Variants in FAM117B observed in about 807,000 individuals in gnomAD.
The protein encoded by FAM117B is family with sequence similarity 117 member B.
A neutral mutation model predicts 52.8 loss-of-function variants in FAM117B; 22 were observed. The ratio of observed to expected loss-of-function variants is 0.42; its 90% CI spans 0.30 to 0.59. The LOEUF is 0.59. Ranked by LOEUF, FAM117B falls within the 20% of genes least tolerant of loss-of-function variation. The pLI is 0.22. For missense variants in FAM117B, 678 were observed against 802.6 expected, an observed-to-expected ratio of 0.84 and a Z score of 1.88; for synonymous variants, 309 against 324.1, an observed-to-expected ratio of 0.95 and a Z score of 0.50.
At chr2:202,764,351 A>G (rs2105802359) in intron 7 of FAM117B, among the ~76,000 whole-genome samples, 1 of 151,216 alleles carries the variant, frequency 6.6e-6, no homozygotes, top group African/African-American at 2.4e-5. Context: ...TACAACCTCC[A>G]CCTCCCAGGG....
At chr2:202,742,135 C>G (rs902341899) in intron 4 of FAM117B, among the ~76,000 whole-genome samples, 3 of 151,902 alleles carry the variant, frequency 2.0e-5, no homozygotes. Flanking sequence ...TAACACAATC[C>G]CAATAAAAAT....
intron 1 of FAM117B, among the ~76,000 whole-genome samples, chr2:202,692,102 A>G (rs1290682477): frequency 6.6e-6 from 1 of 152,168 alleles, no homozygotes; most frequent in Non-Finnish European, 1.5e-5. Context: ...CAGCACCTGA[A>G]CTTTTGTACT....
At chr2:202,724,335 G>T (rs539948419) in intron 2 of FAM117B, among the ~76,000 whole-genome samples, 1 of 152,086 alleles carries the variant, frequency 6.6e-6, no homozygotes, top group Admixed American at 6.5e-5. Context: ...GAGCCACCGC[G>T]CCCAGCCAGG....
chr2:202,654,116 T>C (rs552267150), intron 1 of FAM117B, among the ~76,000 whole-genome samples: 3 of 151,546 alleles, frequency 2.0e-5, no homozygotes, highest in East Asian at 1.9e-4. Flanking sequence ...TGTGTGTGTG[T>C]TTGTGTGTGT....
chr2:202,677,737 T>C (rs1690400716), intron 1 of FAM117B, among the ~76,000 whole-genome samples: 1 of 152,232 alleles, frequency 6.6e-6, no homozygotes, highest in Non-Finnish European at 1.5e-5. Context: ...TCTGTATTTT[T>C]ACTTGTGTGC....
At chr2:202,712,226 T>G (rs144119846) in intron 2 of FAM117B, among the ~76,000 whole-genome samples, 1 of 152,230 alleles carries the variant, frequency 6.6e-6, no homozygotes, top group East Asian at 1.9e-4. Flanking sequence ...CACTCAGTGT[T>G]TTACAGTTTT....
At chr2:202,660,758 G>A (rs1199997320) in intron 1 of FAM117B, among the ~76,000 whole-genome samples, 1 of 152,206 alleles carries the variant, frequency 6.6e-6, no homozygotes, top group Non-Finnish European at 1.5e-5. Context: ...TGACAGAGAG[G>A]AAGAAATAAC....
At chr2:202,754,966 C>T (rs1020735330) in intron 4 of FAM117B, among the ~76,000 whole-genome samples, 4 of 149,060 alleles carry the variant, frequency 2.7e-5, no homozygotes, top group East Asian at 2.0e-4. Context: ...CTGGCATTTA[C>T]TTGGTGTCCG....
chr2:202,637,385 GT>G (rs1156605439), intron 1 of FAM117B, among the ~76,000 whole-genome samples: 2 of 151,716 alleles, frequency 1.3e-5, no homozygotes, highest in Non-Finnish European at 2.9e-5. Flanking sequence ...AGCCTCCCGA[GT>G]AGCTGGGATT....
chr2:202,744,664 A>G (rs1160240310), intron 4 of FAM117B, among the ~76,000 whole-genome samples: 1 of 152,138 alleles, frequency 6.6e-6, no homozygotes, highest in Non-Finnish European at 1.5e-5. Flanking sequence ...ACCCAGGAAT[A>G]ATATCCTTCA....
chr2:202,689,601 A>G (rs72928925), intron 1 of FAM117B, among the ~76,000 whole-genome samples: 1 of 151,924 alleles, frequency 6.6e-6, no homozygotes, highest in African/African-American at 2.4e-5. Context: ...GTTTCTGTGG[A>G]TAATAGGAGA....
At position 202,635,398 on chromosome 2, in the gene FAM117B, G is replaced by A. The variant is rs1168777231; in HGVS notation, c.211G>A (p.Gly71Ser). 1.5e-6 allele frequency: 2 copies of A among 1,295,132 alleles called. No homozygotes were observed. Among genetic ancestry groups the A allele is most frequent in the Admixed American group, 4.0e-5 (1 of 25,034 alleles). The allele number at this position is 1,295,132 out of a possible 1,614,324, so 80.2% of individuals were successfully genotyped here. The change falls in exon 1 of 8, where the codon GGT becomes AGT. Residue 71 changes from glycine (G) to serine (S), a missense_variant. Gly to Ser is a moderately conservative substitution (Grantham distance 56). This residue lies in a region of FAM117B where 583 missense variants were observed against 644.8 expected (regional missense o/e 0.90). Coordinates refer to ENST00000392238, the MANE Select transcript of FAM117B (RefSeq NM_173511.4). The stretch of plus-strand genomic sequence containing the variant: ...CGGCAACAACAACGGTGGCTGCTGT[G>A]GTGGCGCCTCAGGCCCCGCAGGCGG... ...GGGNNNGGCC[G>S]GASGPAGGGG...
chr2:202,658,244 A>G (rs955324735), intron 1 of FAM117B, among the ~76,000 whole-genome samples: 5 of 151,988 alleles, frequency 3.3e-5, no homozygotes, highest in Admixed American at 6.6e-5. Flanking sequence ...TACATTTAGC[A>G]TTTGTTTTAG....
rs186658132 is a variant in FAM117B at position 202,713,352 on chromosome 2, T to C, written c.754-11565T>C. ...TAGTAGCCAATAATGATCCTTTGAA[T>C]TTCTGTGGTATCAGTTGTAATATCT... On this transcript the variant is annotated intron_variant, in intron 2 of 7. Coordinates refer to ENST00000392238, the MANE Select transcript of FAM117B (RefSeq NM_173511.4). 3.1e-4 allele frequency among the ~76,000 whole-genome samples: 47 copies of C among 152,348 alleles called. No individual in the cohort carries two copies. The East Asian group carries it at 8.3e-3, about 27-fold the overall frequency.
intron 1 of FAM117B, among the ~76,000 whole-genome samples, chr2:202,641,725 G>T (rs1356762386): frequency 6.7e-6 from 1 of 149,188 alleles, no homozygotes; most frequent in East Asian, 2.0e-4. Flanking sequence ...TGTAACCTCC[G>T]CCTCCTGGGT....
At chr2:202,760,752 A>C (rs1054754621) in intron 7 of FAM117B, among the ~76,000 whole-genome samples, 1 of 152,186 alleles carries the variant, frequency 6.6e-6, no homozygotes, top group Non-Finnish European at 1.5e-5. Flanking sequence ...TAATCATCTC[A>C]GTAATACGTA....
intron 7 of FAM117B, among the ~76,000 whole-genome samples, chr2:202,760,545 C>CT (rs966209971): frequency 6.6e-6 from 1 of 152,126 alleles, no homozygotes; most frequent in Non-Finnish European, 1.5e-5. Flanking sequence ...AAGGCAGTGT[C>CT]TTGTCAGGGA....
At chr2:202,753,987 A>C (rs1691761600) in intron 4 of FAM117B, among the ~76,000 whole-genome samples, 1 of 152,206 alleles carries the variant, frequency 6.6e-6, no homozygotes. Flanking sequence ...AAGGATCTAG[A>C]ACCAGAAATA....
At chr2:202,654,062 T>TGAGAGAGAGAGAGAGAGA (rs60490884) in intron 1 of FAM117B, among the ~76,000 whole-genome samples, 1 of 134,772 alleles carries the variant, frequency 7.4e-6, no homozygotes, top group Non-Finnish European at 1.6e-5. Flanking sequence ...AGAGAGTGAG[T>TGAGAGAGAGAGAGAGAGA]GAGAGAGAGA....
Sources: gnomAD v4.1 joint callset for allele counts (sites outside exome capture counted in the v4.1 genomes callset) on GRCh38, gnomAD v4.1.1 for gene constraint, gnomAD v4.1.1 regional missense constraint, MANE v1.5 for transcripts, NCBI Gene and HGNC (gene_info 2026-07-23, HGNC 2026-07-21) for gene names.